The following CNTNAP2 variants were observed in gnomAD, a reference collection of about 807,000 sequenced individuals.
The protein encoded by CNTNAP2 is contactin associated protein 2.
A neutral mutation model predicts 155.2 loss-of-function variants in CNTNAP2; 98 were observed. The observed-to-expected ratio is 0.63, with a 90% confidence interval of 0.54 to 0.75. CNTNAP2 has a LOEUF of 0.75. CNTNAP2 is among the 30% of genes least tolerant of loss of function. CNTNAP2 has a pLI of 0.00. For synonymous variants in CNTNAP2, 651 were observed against 631.2 expected (o/e 1.03, Z -0.47); for missense variants, 1,727 against 1,688.1 (o/e 1.02, Z -0.40).
chr7:147,639,156 G>A lies in CNTNAP2; in HGVS notation c.1948G>A (p.Val650Met). 6.2e-7 allele frequency: 1 copy of A among 1,614,144 alleles called. No individual in the cohort carries two copies. The highest frequency in any genetic ancestry group is 8.5e-7 in the Non-Finnish European group (1 of 1,180,004). Residue 650 changes from valine (V) to methionine (M), a missense_variant, in exon 13 of 24, where the codon GTG (valine) becomes ATG (methionine). Val to Met is a conservative substitution (Grantham distance 21). Transcript: ENST00000361727. ...VSHDLQMQTP[V>M]VGYNPEKYSV... is the part of the protein sequence containing the mutation. The stretch of plus-strand genomic sequence containing the variant: ...TCATGACTTGCAGATGCAGACGCCT[G>A]TGGTCGGCTACAACCCAGAAAAATA...
intron 11 of CNTNAP2, among the ~76,000 whole-genome samples, chr7:147,551,383 G>T (rs1799848434): frequency 6.6e-6 from 1 of 152,076 alleles, no homozygotes. Context: ...TACTTCTCTG[G>T]TCCTTGATTG....
intron 13 of CNTNAP2, among the ~76,000 whole-genome samples, chr7:147,824,727 G>A (rs1798421059): frequency 7.3e-6 from 1 of 136,114 alleles, no homozygotes; most frequent in Admixed American, 7.3e-5. Flanking sequence ...TCTTTTACCA[G>A]CTTCCTTTTT....
intron 4 of CNTNAP2, among the ~76,000 whole-genome samples, chr7:147,071,105 T>TTC (rs1563065484): frequency 3.3e-4 from 50 of 152,012 alleles, no homozygotes; most frequent in African/African-American, 9.7e-4. Context: ...ACATTCCTTT[T>TTC]ATTTTGCTGT....
At chr7:146,674,522 A>G (rs1008753576) in intron 1 of CNTNAP2, among the ~76,000 whole-genome samples, 1 of 144,988 alleles carries the variant, frequency 6.9e-6, no homozygotes, top group Non-Finnish European at 1.5e-5. Context: ...TAAAAAAAAA[A>G]GCATTTTTCT....
chr7:147,935,731 G>A (rs1368363160), intron 14 of CNTNAP2, among the ~76,000 whole-genome samples: 6 of 152,108 alleles, frequency 3.9e-5, no homozygotes, highest in South Asian at 4.1e-4. Flanking sequence ...ACTGAAAGGT[G>A]AGCTTTATCT....
At chr7:146,789,763 T>G (rs1802638299) in intron 2 of CNTNAP2, among the ~76,000 whole-genome samples, 1 of 151,792 alleles carries the variant, frequency 6.6e-6, no homozygotes. Context: ...ACAGAAGCTG[T>G]ATTTTTAAAG....
intron 1 of CNTNAP2, among the ~76,000 whole-genome samples, chr7:146,636,214 G>A (rs1162834834): frequency 6.6e-6 from 1 of 152,084 alleles, no homozygotes; most frequent in Non-Finnish European, 1.5e-5. Context: ...GGGGTGATGG[G>A]ATTGTGCTTT....
At chr7:147,272,698 G>A (rs1005816160) in intron 8 of CNTNAP2, among the ~76,000 whole-genome samples, 1 of 148,032 alleles carries the variant, frequency 6.8e-6, no homozygotes, top group Non-Finnish European at 1.5e-5. Flanking sequence ...TAGTGGAGAT[G>A]GGGTTTCACC....
At chr7:146,183,832 T>G (rs1798584596) in intron 1 of CNTNAP2, among the ~76,000 whole-genome samples, 1 of 152,138 alleles carries the variant, frequency 6.6e-6, no homozygotes, top group African/African-American at 2.4e-5. Context: ...TTAGGCTCTC[T>G]GAAATATCCT....
intron 15 of CNTNAP2, among the ~76,000 whole-genome samples, chr7:148,012,889 ATGT>A (rs778036492): frequency 1.3e-5 from 2 of 152,190 alleles, no homozygotes; most frequent in African/African-American, 4.8e-5. Flanking sequence ...TCTGTAGGAA[ATGT>A]TGGTGGAGGT....
At chr7:147,604,083 A>C (rs1227293773) in intron 12 of CNTNAP2, among the ~76,000 whole-genome samples, 2 of 152,330 alleles carry the variant, frequency 1.3e-5, no homozygotes, top group East Asian at 1.9e-4. Context: ...AAGATGGATT[A>C]AAGACTTAAA....
At chr7:148,385,751 T>G (rs1337412649) in intron 22 of CNTNAP2, among the ~76,000 whole-genome samples, 2 of 106,158 alleles carry the variant, frequency 1.9e-5, no homozygotes, top group East Asian at 4.1e-4. Flanking sequence ...TTTTTTTTTT[T>G]TTTTTTTTTG....
At chr7:146,425,095 A>C (rs569387725) in intron 1 of CNTNAP2, among the ~76,000 whole-genome samples, 56 of 152,328 alleles carry the variant, frequency 3.7e-4, no homozygotes, top group African/African-American at 1.3e-3. Context: ...TAGATTTAAA[A>C]ACAAACTAAC....
At chr7:147,693,437 T>C (rs1196221747) in intron 13 of CNTNAP2, among the ~76,000 whole-genome samples, 1 of 151,966 alleles carries the variant, frequency 6.6e-6, no homozygotes, top group African/African-American at 2.4e-5. Flanking sequence ...GTAGGAAGAG[T>C]AGATATTGTG....
intron 10 of CNTNAP2, among the ~76,000 whole-genome samples, chr7:147,455,504 A>T (rs59824938): frequency 6.6e-6 from 1 of 151,930 alleles, no homozygotes; most frequent in Non-Finnish European, 1.5e-5. Flanking sequence ...GTACATCTAC[A>T]TTTCTGTCTT....
intron 21 of CNTNAP2, among the ~76,000 whole-genome samples, chr7:148,357,405 G>A (rs1447200978): frequency 6.6e-6 from 1 of 152,160 alleles, no homozygotes; most frequent in East Asian, 1.9e-4. Flanking sequence ...TTAGCAGCAT[G>A]AGAACAGACT....
At chr7:146,492,253 G>GAGAA (rs1267013279) in intron 1 of CNTNAP2, among the ~76,000 whole-genome samples, 1 of 151,898 alleles carries the variant, frequency 6.6e-6, no homozygotes, top group Non-Finnish European at 1.5e-5. Flanking sequence ...GAGAGAGAGA[G>GAGAA]AGAGACAGAG....
At chr7:147,839,939 TAC>T (rs376480999) in intron 13 of CNTNAP2, among the ~76,000 whole-genome samples, 56 of 149,840 alleles carry the variant, frequency 3.7e-4, no homozygotes, top group African/African-American at 1.0e-3. Flanking sequence ...TATATATGTA[TAC>T]ACACACACAC....
intron 13 of CNTNAP2, among the ~76,000 whole-genome samples, chr7:147,803,492 C>A (rs76799216): frequency 0.032 from 4,864 of 152,254 alleles, 132 homozygotes; most frequent in Non-Finnish European, 0.051. Flanking sequence ...TCATGTTCTT[C>A]TAGGGAGTCT....
Sources: allele counts gnomAD v4.1 joint callset (sites outside exome capture counted in the v4.1 genomes callset), GRCh38; gene constraint gnomAD v4.1.1; transcripts MANE v1.5; gene names NCBI Gene and HGNC (gene_info 2026-07-23, HGNC 2026-07-21).